The following PHACTR3 variants were observed in gnomAD, a reference collection of about 807,000 sequenced individuals.
PHACTR3 encodes phosphatase and actin regulator 3.
A neutral mutation model predicts 66.8 loss-of-function variants in PHACTR3; 16 were observed. The observed-to-expected ratio is 0.24, with a 90% CI of 0.16 to 0.36. PHACTR3 has a LOEUF of 0.36. PHACTR3 is among the 10% of genes least tolerant of loss of function. The pLI, the probability that PHACTR3 is intolerant of heterozygous loss-of-function variation, is 1.00. For missense variants in PHACTR3, 647 were observed against 719.9 expected (o/e 0.90, Z 1.16); for synonymous variants, 323 against 292.1 (o/e 1.11, Z -1.08).
At chr20:59,645,666 T>G (rs1402557219) in intron 1 of PHACTR3, among the ~76,000 whole-genome samples, 1 of 152,158 alleles carries the variant, frequency 6.6e-6, no homozygotes. Flanking sequence ...ATGATATACA[T>G]GTACATATGT....
intron 9 of PHACTR3, among the ~76,000 whole-genome samples, chr20:59,838,427 C>G (rs1347962353): frequency 6.6e-6 from 1 of 151,966 alleles, no homozygotes; most frequent in Non-Finnish European, 1.5e-5. Flanking sequence ...GAGGAGCACT[C>G]AAAACTCCGC....
Position 59,841,481 on chromosome 20 carries a change from G to A in PHACTR3, c.1533G>A (p.Gln511=), listed in dbSNP as rs1416288166. The A allele has an allele frequency of 1.9e-6, 3 of 1,613,606 alleles. No individual in the cohort carries two copies. Among genetic ancestry groups the A allele is most frequent in the Non-Finnish European group, 2.5e-6 (3 of 1,179,724 alleles). Residue 511 remains glutamine, a synonymous_variant, in exon 11 of 13, where the codon CAG becomes CAA. Transcript: ENST00000371015. The stretch of plus-strand genomic sequence containing the variant: ...ATTACGTGGAAGTAGCAAAAGCGCA[G>A]GACTATGACAGGAGGGCAGACAAAC... ...FSDYVEVAKA[Q]DYDRRADKPW... is the part of the protein sequence containing the mutation.
chr20:59,631,263 T>G lies in PHACTR3; in HGVS notation c.118+26131T>G, dbSNP rs4812121. 3.3e-5 allele frequency among the ~76,000 whole-genome samples: 5 copies of G among 152,180 alleles called. No individual in the cohort carries two copies. The East Asian group carries it at 7.7e-4, about 24-fold the overall frequency. ...CCTCTGAAACTTCTATGTGCATACA[T>G]GTCACTGGGAGTCTGGTTAAAATGT... is the stretch of plus-strand genomic sequence containing the variant. On this transcript the variant is annotated intron_variant, in intron 1 of 12. Transcript: ENST00000371015.
At chr20:59,592,369 A>G (rs2033208924) in intron 1 of PHACTR3, among the ~76,000 whole-genome samples, 1 of 152,180 alleles carries the variant, frequency 6.6e-6, no homozygotes, top group Non-Finnish European at 1.5e-5. Flanking sequence ...CCCCCGTCCC[A>G]ACATACATAG....
chr20:59,605,711 T>A (rs2033639334), intron 1 of PHACTR3, among the ~76,000 whole-genome samples: 1 of 152,218 alleles, frequency 6.6e-6, no homozygotes, highest in Non-Finnish European at 1.5e-5. Context: ...GAGCCCGGTT[T>A]CGTGACAGCG....
intron 1 of PHACTR3, among the ~76,000 whole-genome samples, chr20:59,715,579 T>C (rs893152216): frequency 1.3e-5 from 2 of 152,248 alleles, no homozygotes; most frequent in African/African-American, 4.8e-5. Flanking sequence ...GGCCTGTCAT[T>C]TTCATTTCTA....
intron 3 of PHACTR3, among the ~76,000 whole-genome samples, chr20:59,751,186 GGGGTTAAGGAACCGGCTTCA>G (rs57825189): frequency 0.037 from 5,589 of 152,204 alleles, 310 homozygotes; most frequent in African/African-American, 0.12. Context: ...TCCTGGCTTT[GGGGTTAAGGAACCGGCTTCA>G]GGGTTAAGGA....
intron 3 of PHACTR3, among the ~76,000 whole-genome samples, chr20:59,750,504 C>A (rs187402617): frequency 6.6e-6 from 1 of 151,852 alleles, no homozygotes; most frequent in Non-Finnish European, 1.5e-5. Context: ...CAAGTCCCCG[C>A]GGTGGAAGGG....
intron 8 of PHACTR3, among the ~76,000 whole-genome samples, chr20:59,828,960 G>A (rs775679186): frequency 5.9e-5 from 9 of 152,042 alleles, no homozygotes; most frequent in East Asian, 3.9e-4. Flanking sequence ...ATGGATGGAC[G>A]GATGGATGGA....
At chr20:59,709,720 C>G (rs1390389202) in intron 1 of PHACTR3, among the ~76,000 whole-genome samples, 1 of 152,046 alleles carries the variant, frequency 6.6e-6, no homozygotes, top group Non-Finnish European at 1.5e-5. Context: ...TTTTTCATGC[C>G]TTGAGCCTCC....
At chr20:59,630,104 G>A (rs2034610507) in intron 1 of PHACTR3, among the ~76,000 whole-genome samples, 1 of 152,242 alleles carries the variant, frequency 6.6e-6, no homozygotes, top group Admixed American at 6.5e-5. Context: ...TCCTGGCAAT[G>A]TGTGAGATGA....
chr20:59,668,436 A>G (rs2036072188), intron 1 of PHACTR3, among the ~76,000 whole-genome samples: 1 of 152,208 alleles, frequency 6.6e-6, no homozygotes, highest in Non-Finnish European at 1.5e-5. Flanking sequence ...TCCTCCTGCA[A>G]CAGTGAGCTG....
In PHACTR3 at chr20:59,696,253, GAAC is replaced by G. The variant is rs760762174; in HGVS notation, c.119-46849_119-46847del. ...CACTTAGGGATTCCCAAAGCGTCCA[GAAC>G]AACAGTAGATGGTTATAAAGGACAG... On this transcript the variant is annotated intron_variant, in intron 1 of 12. Transcript: ENST00000371015. Among the ~76,000 whole-genome samples the G allele has an allele frequency of 9.9e-5, 15 of 152,202 alleles. 1 individual carries two copies. Among genetic ancestry groups the G allele is most frequent in the Non-Finnish European group, 1.9e-4 (13 of 68,032 alleles).
chr20:59,629,506 C>T (rs1472484640), intron 1 of PHACTR3, among the ~76,000 whole-genome samples: 7 of 152,188 alleles, frequency 4.6e-5, no homozygotes, highest in African/African-American at 9.6e-5. Flanking sequence ...GCCAGCAGGG[C>T]GGGTTCCTTC....
chr20:59,840,141 G>C (rs1383250506), intron 9 of PHACTR3, among the ~76,000 whole-genome samples: 2 of 152,284 alleles, frequency 1.3e-5, no homozygotes, highest in Non-Finnish European at 2.9e-5. Context: ...GAGGAGACCA[G>C]GTTGGGATGA....
intron 1 of PHACTR3, among the ~76,000 whole-genome samples, chr20:59,578,678 G>A (rs915285388): frequency 3.9e-5 from 6 of 152,186 alleles, no homozygotes; most frequent in African/African-American, 1.2e-4. Context: ...CCTTCCCCAC[G>A]AGGCGGTCAT....
intron 1 of PHACTR3, among the ~76,000 whole-genome samples, chr20:59,642,230 A>C (rs1029354886): frequency 6.6e-5 from 10 of 152,020 alleles, no homozygotes; most frequent in African/African-American, 2.4e-4. Context: ...CCCTTCCTCT[A>C]GTTTCCTGGA....
chr20:59,634,567 C>A (rs111751751), intron 1 of PHACTR3, among the ~76,000 whole-genome samples: 50 of 152,308 alleles, frequency 3.3e-4, no homozygotes, highest in African/African-American at 1.2e-3. Context: ...GTTTTCACAC[C>A]GCAGCAACAG....
intron 11 of PHACTR3, chr20:59,844,587 AAAAC>A (rs1027859448): frequency 2.6e-5 from 4 of 152,222 alleles, no homozygotes; most frequent in South Asian, 4.1e-4. Context: ...CAGGCACAGA[AAAAC>A]AAATATCGCA....
Sources: gnomAD v4.1 joint callset for allele counts (sites outside exome capture counted in the v4.1 genomes callset) on GRCh38, gnomAD v4.1.1 for gene constraint, MANE v1.5 for transcripts, NCBI Gene and HGNC (gene_info 2026-07-23, HGNC 2026-07-21) for gene names.